The following CENPP variants were observed in gnomAD, a reference collection of about 807,000 sequenced individuals.
CENPP encodes centromere protein P.
CENPP carries 24 observed loss-of-function variants against 35.6 expected under a neutral mutation model. The ratio of observed to expected loss-of-function variants is 0.67; its 90% CI spans 0.49 to 0.95. The LOEUF is 0.95. Among genes scored for constraint, CENPP ranks in the 40% least tolerant of loss-of-function variants. The probability of loss-of-function intolerance (pLI) is 0.00; values close to 1 mark genes in which losing one functional copy is unlikely to be tolerated. For synonymous variants in CENPP, 120 were observed against 125.5 expected (o/e 0.96, Z 0.29); for missense variants, 332 against 345.3 (o/e 0.96, Z 0.31).
At chr9:92,515,057 C>T (rs1847614550) in intron 5 of CENPP, 1 of 1,614,014 alleles carries the variant, frequency 6.2e-7, no homozygotes, top group African/African-American at 1.3e-5. Context: ...GATTGAAGTG[C>T]TTCTTTTCTT....
At chr9:92,464,623 T>C in intron 5 of CENPP, 1 of 508,656 alleles carries the variant, frequency 2.0e-6, no homozygotes, top group Admixed American at 2.3e-5. Flanking sequence ...CTCTAACAGG[T>C]ACTGCACAGA....
intron 5 of CENPP, chr9:92,404,430 C>CTT (rs1843240315): frequency 9.6e-7 from 1 of 1,039,656 alleles, no homozygotes; most frequent in Non-Finnish European, 1.3e-6. Context: ...TTTATTAAGA[C>CTT]TATTAGATGA....
chr9:92,344,112 A>G (rs1399077816), intron 3 of CENPP, among the ~76,000 whole-genome samples: 1 of 151,696 alleles, frequency 6.6e-6, no homozygotes, highest in Admixed American at 6.6e-5. Flanking sequence ...AGACACATGT[A>G]GGGGCTTTGA....
intron 5 of CENPP, chr9:92,600,462 G>A: frequency 6.2e-7 from 1 of 1,612,862 alleles, no homozygotes; most frequent in Non-Finnish European, 8.5e-7. Context: ...GGTCAAGGGA[G>A]GATGGAGGCT....
chr9:92,466,403 T>C (rs371262202), intron 5 of CENPP: 380 of 1,611,260 alleles, frequency 2.4e-4, no homozygotes, highest in Non-Finnish European at 3.0e-4. Context: ...TCCTTTTGTA[T>C]TTTCTTAACT....
chr9:92,530,375 C>T (rs983489081), intron 5 of CENPP, among the ~76,000 whole-genome samples: 124 of 152,126 alleles, frequency 8.2e-4, no homozygotes, highest in African/African-American at 2.8e-3. Flanking sequence ...CTGTACTTTC[C>T]ACTCAGTTTG....
chr9:92,415,015 C>T, intron 5 of CENPP: 2 of 603,204 alleles, frequency 3.3e-6, no homozygotes, highest in Non-Finnish European at 5.4e-6. Context: ...ATGTCACCAA[C>T]AACTTAAATT....
intron 5 of CENPP, among the ~76,000 whole-genome samples, chr9:92,565,574 T>A (rs1161801313): frequency 1.3e-5 from 2 of 152,164 alleles, no homozygotes; most frequent in Non-Finnish European, 2.9e-5. Context: ...GCACTATCCT[T>A]CAAATATCAG....
chr9:92,363,086 AATTTATCTG>A (rs1392943342), intron 4 of CENPP, among the ~76,000 whole-genome samples: 2 of 150,662 alleles, frequency 1.3e-5, no homozygotes, highest in African/African-American at 2.4e-5. Flanking sequence ...TAGATTCAGC[AATTTATCTG>A]AGGAACCAGA....
rs556336484 is a variant in CENPP, at chr9:92,578,925, T to C, written c.565-32389T>C. On this transcript the variant is annotated intron_variant, in intron 5 of 7. Coordinates refer to ENST00000375587, the MANE Select transcript of CENPP (RefSeq NM_001012267.3). ...TCTAGGTTTTCTTCTAGGGTTATTATGGTTTTAGGTCTAACGTTTCAGTCT... is the reference window on the plus strand; with the variant it reads ...TCTAGGTTTTCTTCTAGGGTTATTACGGTTTTAGGTCTAACGTTTCAGTCT... Among the ~76,000 whole-genome samples the C allele has an allele frequency of 1.2e-4, 19 of 152,378 alleles. No individual in the cohort carries two copies. The South Asian group carries it at 3.7e-3, about 30-fold the overall frequency.
intron 5 of CENPP, among the ~76,000 whole-genome samples, chr9:92,469,055 C>T (rs1164051836): frequency 2.0e-5 from 3 of 152,106 alleles, no homozygotes; most frequent in South Asian, 4.1e-4. Context: ...AAGTGGTAAA[C>T]GCATCAACAG....
intron 5 of CENPP, among the ~76,000 whole-genome samples, chr9:92,461,335 ATAG>A (rs1253029311): frequency 1.3e-5 from 2 of 152,238 alleles, no homozygotes; most frequent in South Asian, 4.1e-4. Context: ...GTCATCTAAT[ATAG>A]TAAAGTTTCC....
chr9:92,439,076 A>AT (rs1238685653), intron 5 of CENPP, among the ~76,000 whole-genome samples: 2 of 152,076 alleles, frequency 1.3e-5, no homozygotes, highest in Non-Finnish European at 2.9e-5. Flanking sequence ...AGTGACTTAG[A>AT]TTTTTTTGCA....
Position 92,415,330 on chromosome 9 carries a change from C to T in CENPP, c.564+35471C>T, listed in dbSNP as rs1304449123. 2.5e-6 allele frequency: 4 copies of T among 1,613,490 alleles called. No individual in the cohort carries two copies. The East Asian group carries it at 6.7e-5, about 27-fold the overall frequency. The stretch of plus-strand genomic sequence containing the variant: ...TTGACCATTAGTGCTTCGTTGTTCA[C>T]CATAATAAATAGTGTGTATATGAGG... On this transcript the variant is annotated intron_variant, in intron 5 of 7. Transcript: ENST00000375587.
intron 5 of CENPP, among the ~76,000 whole-genome samples, chr9:92,547,350 A>C (rs1175248333): frequency 2.0e-5 from 3 of 152,246 alleles, no homozygotes; most frequent in Admixed American, 2.0e-4. Context: ...AAACTTGAGG[A>C]CAATTGTTCA....
chr9:92,447,861 G>T (rs372310184), intron 5 of CENPP, among the ~76,000 whole-genome samples: 2 of 152,144 alleles, frequency 1.3e-5, no homozygotes, highest in Admixed American at 1.3e-4. Flanking sequence ...GACCTTATGA[G>T]TTCGAAGGAA....
chr9:92,500,259 T>C (rs976259656), intron 5 of CENPP, among the ~76,000 whole-genome samples: 6 of 152,184 alleles, frequency 3.9e-5, no homozygotes, highest in Admixed American at 3.9e-4. Context: ...CCCGGCTCAC[T>C]GCAACCTCTG....
At chr9:92,438,522 G>A (rs1051073213) in intron 5 of CENPP, among the ~76,000 whole-genome samples, 7 of 152,104 alleles carry the variant, frequency 4.6e-5, no homozygotes. Flanking sequence ...TAACTTTGTT[G>A]TTCTTTTTCC....
intron 4 of CENPP, among the ~76,000 whole-genome samples, chr9:92,367,987 T>C (rs562933783): frequency 6.6e-6 from 1 of 152,376 alleles, no homozygotes; most frequent in African/African-American, 2.4e-5. Flanking sequence ...AGTTGTTGCT[T>C]TTTTTAAAAA....
Sources: gnomAD v4.1 joint callset for allele counts (sites outside exome capture counted in the v4.1 genomes callset) on GRCh38, gnomAD v4.1.1 for gene constraint, MANE v1.5 for transcripts, NCBI Gene and HGNC (gene_info 2026-07-23, HGNC 2026-07-21) for gene names.